The following GRIK4 variants were observed in gnomAD, a reference collection of about 807,000 sequenced individuals.
The protein encoded by GRIK4 is glutamate receptor ionotropic, kainate 4.
GRIK4 carries 40 observed loss-of-function variants against 104.9 expected under a neutral mutation model. That is an observed-to-expected ratio of 0.38 (90% CI 0.30 to 0.50). The LOEUF (loss-of-function observed/expected upper bound fraction) is 0.50. GRIK4 is among the 20% of genes least tolerant of loss of function. The pLI is 0.93. For synonymous variants in GRIK4, 485 were observed against 524.9 expected (o/e 0.92, Z 1.04); for missense variants, 1,047 against 1,308.1 (o/e 0.80, Z 3.08).
At chr11:120,847,684 C>T (rs1953882321) in intron 8 of GRIK4, among the ~76,000 whole-genome samples, 1 of 152,200 alleles carries the variant, frequency 6.6e-6, no homozygotes, top group African/African-American at 2.4e-5. Flanking sequence ...TGGGGAGAAC[C>T]TTTCAGAACT....
At chr11:120,710,547 T>A (rs753840018) in intron 3 of GRIK4, among the ~76,000 whole-genome samples, 15 of 152,286 alleles carry the variant, frequency 9.8e-5, no homozygotes, top group Admixed American at 3.9e-4. Flanking sequence ...GAGGCAGCAG[T>A]GGTGCGGGCT....
At chr11:120,888,071 G>A (rs1033490980) in intron 11 of GRIK4, among the ~76,000 whole-genome samples, 5 of 152,072 alleles carry the variant, frequency 3.3e-5, no homozygotes, top group Non-Finnish European at 5.9e-5. Context: ...CTTTATTTAC[G>A]TATCCTCTTC....
intron 9 of GRIK4, among the ~76,000 whole-genome samples, chr11:120,864,527 A>G (rs1301101530): frequency 6.6e-6 from 1 of 152,180 alleles, no homozygotes; most frequent in Non-Finnish European, 1.5e-5. Context: ...GGCGTGAGCC[A>G]TCATTCCAGT....
At chr11:120,815,206 C>T (rs1952917902) in intron 4 of GRIK4, among the ~76,000 whole-genome samples, 172 bp from the exon 5 acceptor site, 2 of 152,242 alleles carry the variant, frequency 1.3e-5, no homozygotes, top group Non-Finnish European at 2.9e-5. Flanking sequence ...GGAGCCCAGT[C>T]GTCCAGGGGA....
chr11:120,744,325 C>T (rs965830693), intron 3 of GRIK4, among the ~76,000 whole-genome samples: 18 of 152,216 alleles, frequency 1.2e-4, no homozygotes, highest in South Asian at 2.1e-4. Flanking sequence ...CGGGCCTGGA[C>T]GCTGGGCACA....
chr11:120,859,897 A>G (rs1954216040), intron 8 of GRIK4, among the ~76,000 whole-genome samples: 1 of 152,160 alleles, frequency 6.6e-6, no homozygotes, highest in Non-Finnish European at 1.5e-5. Flanking sequence ...GAAGCTTGGT[A>G]CCTCCAGTTT....
At chr11:120,770,596 A>G (rs539531884) in intron 3 of GRIK4, among the ~76,000 whole-genome samples, 1 of 152,200 alleles carries the variant, frequency 6.6e-6, no homozygotes, top group Non-Finnish European at 1.5e-5. Flanking sequence ...TATGCATTTA[A>G]GTATTTTGTG....
intron 3 of GRIK4, among the ~76,000 whole-genome samples, chr11:120,667,390 A>G (rs1160344155): frequency 6.6e-6 from 1 of 152,260 alleles, no homozygotes; most frequent in Non-Finnish European, 1.5e-5. Context: ...CACTGATGGC[A>G]GAGCTGGAGA....
At chr11:120,789,315 C>T (rs1401234886) in intron 3 of GRIK4, among the ~76,000 whole-genome samples, 1 of 152,116 alleles carries the variant, frequency 6.6e-6, no homozygotes, top group East Asian at 1.9e-4. Context: ...TCTCTATCCC[C>T]CTGTATTCTT....
chr11:120,972,799 T>C (rs538292966), intron 19 of GRIK4, among the ~76,000 whole-genome samples: 1 of 152,220 alleles, frequency 6.6e-6, no homozygotes, highest in African/African-American at 2.4e-5. Flanking sequence ...AGTTTGGCTG[T>C]GTAATGGGCT....
chr11:120,628,251 C>G (rs1478503148), intron 1 of GRIK4, among the ~76,000 whole-genome samples: 1 of 152,210 alleles, frequency 6.6e-6, no homozygotes, highest in Non-Finnish European at 1.5e-5. Flanking sequence ...TCTGACATCT[C>G]TGGCCCAGGC....
At chr11:120,593,596 T>C (rs113562472) in intron 1 of GRIK4, among the ~76,000 whole-genome samples, 2 of 152,216 alleles carry the variant, frequency 1.3e-5, no homozygotes, top group African/African-American at 4.8e-5. Flanking sequence ...TGCCCCCCAC[T>C]TCTCTAACTG....
intron 3 of GRIK4, among the ~76,000 whole-genome samples, chr11:120,732,685 T>C (rs549300294): frequency 3.3e-5 from 5 of 152,324 alleles, no homozygotes; most frequent in African/African-American, 9.6e-5. Context: ...TTTTATTCCA[T>C]TGTGGTCAGA....
At chr11:120,563,546 T>A (rs1948267340) in intron 1 of GRIK4, among the ~76,000 whole-genome samples, 3 of 152,174 alleles carry the variant, frequency 2.0e-5, no homozygotes, top group African/African-American at 4.8e-5. Context: ...TCGTTTTTTT[T>A]AAACCAACCT....
At chr11:120,868,168 G>C (rs970810176) in intron 9 of GRIK4, 1 of 152,186 alleles carries the variant, frequency 6.6e-6, no homozygotes, top group Non-Finnish European at 1.5e-5. Context: ...TGTCATGGGA[G>C]GGGGAAGGAA....
At chr11:120,753,312 T>C (rs1377231244) in intron 3 of GRIK4, among the ~76,000 whole-genome samples, 1 of 103,480 alleles carries the variant, frequency 9.7e-6, no homozygotes, top group Non-Finnish European at 2.2e-5. Context: ...TGTGTGTGTG[T>C]GTGTGTGTGT....
intron 14 of GRIK4, among the ~76,000 whole-genome samples, chr11:120,945,177 T>C (rs1178521419): frequency 2.0e-5 from 3 of 152,212 alleles, no homozygotes; most frequent in African/African-American, 7.2e-5. Flanking sequence ...CCTCCTCATC[T>C]AGGTTCACGC....
chr11:120,652,403 A>G (rs1949632413), intron 1 of GRIK4, among the ~76,000 whole-genome samples: 1 of 152,084 alleles, frequency 6.6e-6, no homozygotes, highest in Non-Finnish European at 1.5e-5. Context: ...TGTCAGGGAG[A>G]GAGGACACCT....
intron 3 of GRIK4, among the ~76,000 whole-genome samples, chr11:120,677,477 T>A (rs2135278652): frequency 6.6e-6 from 1 of 152,318 alleles, no homozygotes; most frequent in African/African-American, 2.4e-5. Context: ...ACACTTAGGA[T>A]CTGAAGCTGG....
Sources: gnomAD v4.1 joint callset for allele counts (sites outside exome capture counted in the v4.1 genomes callset) on GRCh38, gnomAD v4.1.1 for gene constraint, MANE v1.5 for transcripts, NCBI Gene and HGNC (gene_info 2026-07-23, HGNC 2026-07-21) for gene names.